The following ATP10A variants were observed in gnomAD, a reference collection of about 807,000 sequenced individuals.
ATP10A encodes ATPase phospholipid transporting 10A (putative).
In ATP10A, 111 loss-of-function variants were observed where a neutral mutation model predicts 147.8. The observed-to-expected ratio is 0.75, with a 90% CI of 0.64 to 0.88. The LOEUF is 0.88. Among genes scored for constraint, ATP10A ranks in the 40% least tolerant of loss-of-function variants. The probability of loss-of-function intolerance (pLI) is 0.00; values close to 1 mark genes in which losing one functional copy is unlikely to be tolerated. For missense variants in ATP10A, 1,927 were observed against 1,959.0 expected, an observed-to-expected ratio of 0.98 and a Z score of 0.31; for synonymous variants, 875 against 841.6, an observed-to-expected ratio of 1.04 and a Z score of -0.69.
intron 1 of ATP10A, chr15:25,861,998 A>G: frequency 3.1e-6 from 1 of 326,968 alleles, no homozygotes; most frequent in Non-Finnish European, 6.0e-6. Context: ...CAGGGCTCAC[A>G]AACACCCCAC....
rs1461157602 is a variant in ATP10A at position 25,806,704 on chromosome 15, C to T, written c.450-25481G>A. The stretch of plus-strand genomic sequence containing the variant: ...TCTAACGTACAAAATATGAGTTAAT[C>T]GACTGTTTATGTGATTGGTAATGCT... On this transcript the variant is annotated intron_variant, in intron 1 of 20. Transcript: ENST00000555815. Among the ~76,000 whole-genome samples, 4 of 152,224 alleles carry T rather than the reference C, an allele frequency of 2.6e-5. No homozygotes were observed. In the East Asian group the frequency reaches 7.7e-4, roughly 29 times the overall value.
upstream of ATP10A, among the ~76,000 whole-genome samples, chr15:25,864,389 G>A (rs575998072): frequency 2.2e-4 from 34 of 152,334 alleles, no homozygotes; most frequent in Non-Finnish European, 4.0e-4. Flanking sequence ...GTGGCTGGGC[G>A]GTTGGCCGTG....
intron 1 of ATP10A, among the ~76,000 whole-genome samples, chr15:25,852,719 A>G (rs1893349372): frequency 6.6e-6 from 1 of 152,190 alleles, no homozygotes; most frequent in African/African-American, 2.4e-5. Context: ...GCAGGCCTCA[A>G]AGACTGTGGC....
At chr15:25,751,426 A>C (rs1489619021) in intron 2 of ATP10A, among the ~76,000 whole-genome samples, 2 of 152,180 alleles carry the variant, frequency 1.3e-5, no homozygotes, top group East Asian at 1.9e-4. Context: ...CCTGTTTGAC[A>C]TCTATAAAAT....
chr15:25,696,126 G>C (rs191618384), intron 13 of ATP10A, among the ~76,000 whole-genome samples: 4 of 152,208 alleles, frequency 2.6e-5, no homozygotes, highest in African/African-American at 9.6e-5. Flanking sequence ...TCCGCAGACC[G>C]TGAGTCTGCT....
At chr15:25,737,682 G>A (rs147845431) in intron 2 of ATP10A, among the ~76,000 whole-genome samples, 6 of 152,196 alleles carry the variant, frequency 3.9e-5, no homozygotes, top group African/African-American at 7.2e-5. Context: ...CCCCTCATCC[G>A]CCGCTAGAAC....
chr15:25,714,226 C>G lies in ATP10A; in HGVS notation c.1792G>C (p.Glu598Gln), dbSNP rs1443592101. The change falls in exon 10 of 21, where the codon GAG becomes CAG. Residue 598 changes from glutamate to glutamine, a missense_variant. Glu to Gln is a conservative substitution (Grantham distance 29). Coordinates refer to ENST00000555815, the MANE Select transcript of ATP10A (RefSeq NM_024490.4). ...ATCGTCTTCACCGGGGACTTCAGCT[C>G]AAACCTCACCCTCACCTGCAAGAGA... The part of the protein sequence containing the change: ...QPRTKVRVRF[E>Q]LKSPVKTIED... 2 of 1,599,702 alleles carry G rather than the reference C, an allele frequency of 1.3e-6. No homozygotes were observed. The highest frequency in any genetic ancestry group is 1.3e-5 in the African/African-American group (1 of 75,002).
At chr15:25,790,701 T>G (rs1315700239) in intron 1 of ATP10A, among the ~76,000 whole-genome samples, 3 of 152,234 alleles carry the variant, frequency 2.0e-5, no homozygotes, top group Non-Finnish European at 2.9e-5. Context: ...AACCTCTTAG[T>G]AAGTTTTAAC....
intron 1 of ATP10A, among the ~76,000 whole-genome samples, chr15:25,785,422 A>G (rs964656909): frequency 1.3e-5 from 2 of 152,202 alleles, no homozygotes. Context: ...TCCAGGCTCC[A>G]GAACTGCGAG....
intron 1 of ATP10A, among the ~76,000 whole-genome samples, chr15:25,818,077 T>C (rs7165278): frequency 0.37 from 56,430 of 151,890 alleles, 12,176 homozygotes; most frequent in African/African-American, 0.6. Context: ...TTTAAAAAAT[T>C]ATTTTTAAAA....
intron 5 of ATP10A, among the ~76,000 whole-genome samples, chr15:25,724,934 C>T (rs988138445): frequency 2.6e-5 from 4 of 152,200 alleles, no homozygotes; most frequent in Non-Finnish European, 5.9e-5. Context: ...CCATTATTTA[C>T]ATGACATTTA....
intron 2 of ATP10A, among the ~76,000 whole-genome samples, chr15:25,742,060 G>A (rs984976977): frequency 6.6e-6 from 1 of 152,220 alleles, no homozygotes; most frequent in African/African-American, 2.4e-5. Flanking sequence ...GGCTGTGATT[G>A]TATTATTTAA....
intron 1 of ATP10A, among the ~76,000 whole-genome samples, chr15:25,850,111 G>A (rs558159022): frequency 1.4e-4 from 22 of 152,258 alleles, no homozygotes; most frequent in African/African-American, 5.3e-4. Flanking sequence ...TACATGCCAC[G>A]TATATTTTGA....
At chr15:25,829,494 C>T (rs1485649288) in intron 1 of ATP10A, among the ~76,000 whole-genome samples, 1 of 152,140 alleles carries the variant, frequency 6.6e-6, no homozygotes, top group Non-Finnish European at 1.5e-5. Context: ...ACCAAGCATG[C>T]CGCCACACAG....
chr15:25,828,593 GCAAA>G (rs1446308955), intron 1 of ATP10A, among the ~76,000 whole-genome samples: 1 of 152,088 alleles, frequency 6.6e-6, no homozygotes, highest in Non-Finnish European at 1.5e-5. Flanking sequence ...TGAGATGAAC[GCAAA>G]CAAAAATCCA....
intron 2 of ATP10A, among the ~76,000 whole-genome samples, chr15:25,779,080 T>C (rs533262279): frequency 1.8e-4 from 27 of 152,006 alleles, no homozygotes; most frequent in Admixed American, 4.6e-4. Context: ...TTTCACCATG[T>C]TGGCCAGGAT....
At chr15:25,731,731 G>A (rs1252182354) in intron 3 of ATP10A, among the ~76,000 whole-genome samples, 1 of 152,108 alleles carries the variant, frequency 6.6e-6, no homozygotes, top group Non-Finnish European at 1.5e-5. Context: ...AACTATATGA[G>A]GATCCTTCCA....
At position 25,847,585 on chromosome 15, in the gene ATP10A, C is replaced by T. The variant is rs544939830; in HGVS notation, c.449+15063G>A. On this transcript the variant is annotated intron_variant, in intron 1 of 20. Transcript: ENST00000555815. ...CAATTTGGAGCTATTCCATATATTC[C>T]TAGCTAATTCAAACAGCTACAGCCT... 1.2e-4 allele frequency among the ~76,000 whole-genome samples: 15 copies of T among 128,896 alleles called. No homozygotes were observed. The Admixed American group carries it at 1.3e-3, about 11-fold the overall frequency. The allele number at this position is 128,896 out of a possible 152,430, so 84.6% of individuals were successfully genotyped here.
intron 3 of ATP10A, among the ~76,000 whole-genome samples, chr15:25,734,853 C>G (rs975056392): frequency 2.0e-5 from 3 of 152,188 alleles, no homozygotes; most frequent in Non-Finnish European, 2.9e-5. Flanking sequence ...ATCCCCAGCC[C>G]TACCGCCTGC....
Sources: gnomAD v4.1 joint callset for allele counts (sites outside exome capture counted in the v4.1 genomes callset) on GRCh38, gnomAD v4.1.1 for gene constraint, MANE v1.5 for transcripts, NCBI Gene and HGNC (gene_info 2026-07-23, HGNC 2026-07-21) for gene names.